CSMD1: variants seen among roughly 807,000 people sequenced by gnomAD.
The protein encoded by CSMD1 is CUB and Sushi multiple domains 1.
In CSMD1, 213 loss-of-function variants were observed where a neutral mutation model predicts 417.5. The ratio of observed to expected loss-of-function variants is 0.51; its 90% confidence interval spans 0.46 to 0.57. The LOEUF (loss-of-function observed/expected upper bound fraction) is 0.57. Among genes scored for constraint, CSMD1 ranks in the 20% least tolerant of loss-of-function variants. The pLI is 0.00. For synonymous variants in CSMD1, 2,862 were observed against 1,736.8 expected, an observed-to-expected ratio of 1.65 and a Z score of -16.11; for missense variants, 6,923 against 4,529.7, an observed-to-expected ratio of 1.53 and a Z score of -15.17.
chr8:4,763,098 G>C (rs1406206810), intron 1 of CSMD1, among the ~76,000 whole-genome samples: 1 of 152,096 alleles, frequency 6.6e-6, no homozygotes, highest in Non-Finnish European at 1.5e-5. Flanking sequence ...GGACAGAAAA[G>C]ATACCAAACT....
chr8:4,523,511 G>C (rs1414213726), intron 2 of CSMD1, among the ~76,000 whole-genome samples: 1 of 152,058 alleles, frequency 6.6e-6, no homozygotes, highest in Non-Finnish European at 1.5e-5. Flanking sequence ...GCTGTTGCTA[G>C]TTTTCCTTCT....
At chr8:3,749,697 C>G (rs1192099919) in intron 6 of CSMD1, among the ~76,000 whole-genome samples, 2 of 152,166 alleles carry the variant, frequency 1.3e-5, no homozygotes, top group South Asian at 2.1e-4. Flanking sequence ...CACCAGTGGG[C>G]TGATTTCATA....
chr8:4,386,032 T>C (rs1368599799), intron 3 of CSMD1, among the ~76,000 whole-genome samples: 6 of 152,168 alleles, frequency 3.9e-5, no homozygotes, highest in Non-Finnish European at 1.5e-5. Context: ...CACTACGATT[T>C]CTCCAGTCTG....
At position 3,849,805 on chromosome 8, in the gene CSMD1, A is replaced by G. The variant is rs77124460; in HGVS notation, c.819-95763T>C. ...TAAAGATGATATTGTGAGACAGAGT[A>G]TATCTTTTTTTGTTTGGTTTTTGTT... On this transcript the variant is annotated intron_variant, in intron 5 of 69. Transcript: ENST00000635120. Among the ~76,000 whole-genome samples the G allele has an allele frequency of 3.8e-4, 55 of 142,938 alleles. 1 individual carries two copies. In the East Asian group the frequency reaches 0.011, roughly 28 times the overall value. 93.8% of individuals were successfully genotyped at this position (142,938 alleles called of 152,430 possible). A position where few individuals can be genotyped will look rare whatever the true frequency, so the allele number is the denominator to read the frequency against.
At chr8:3,601,768 T>G (rs1043244222) in intron 8 of CSMD1, among the ~76,000 whole-genome samples, 3 of 152,210 alleles carry the variant, frequency 2.0e-5, no homozygotes, top group African/African-American at 7.2e-5. Context: ...GGGACCATTC[T>G]CCCTGCTCCC....
intron 2 of CSMD1, among the ~76,000 whole-genome samples, chr8:4,424,320 C>A: frequency 6.6e-6 from 1 of 151,736 alleles, no homozygotes; most frequent in Admixed American, 6.6e-5. Context: ...CTAGAATATA[C>A]CATGAACTCT....
At chr8:3,488,749 G>C (rs13269764) in intron 11 of CSMD1, among the ~76,000 whole-genome samples, 7,544 of 152,180 alleles carry the variant, frequency 0.05, 195 homozygotes, top group Middle Eastern at 0.075. Flanking sequence ...TAGACTTCAA[G>C]TCAAGAACAG....
chr8:4,818,939 G>C (rs987798377), intron 1 of CSMD1, among the ~76,000 whole-genome samples: 1 of 152,094 alleles, frequency 6.6e-6, no homozygotes, highest in South Asian at 2.1e-4. Context: ...CTGATTCCAA[G>C]ACCTGTAATT....
intron 54 of CSMD1, among the ~76,000 whole-genome samples, chr8:2,995,335 C>G (rs1806788681): frequency 6.6e-6 from 1 of 152,106 alleles, no homozygotes; most frequent in Non-Finnish European, 1.5e-5. Context: ...AAGTGAACAC[C>G]ACAGAAAGCT....
chr8:4,330,877 G>C (rs1048743739), intron 3 of CSMD1, among the ~76,000 whole-genome samples: 2 of 152,040 alleles, frequency 1.3e-5, no homozygotes, highest in East Asian at 3.9e-4. Context: ...AGGAATGTCA[G>C]TTTCTCTCAG....
intron 1 of CSMD1, among the ~76,000 whole-genome samples, chr8:4,659,959 A>G (rs939275672): frequency 5.3e-5 from 8 of 152,066 alleles, no homozygotes; most frequent in African/African-American, 1.9e-4. Flanking sequence ...ACTAGGAATG[A>G]AGAAGAATTT....
chr8:4,974,263 T>C (rs1810417481), intron 1 of CSMD1, among the ~76,000 whole-genome samples: 1 of 152,000 alleles, frequency 6.6e-6, no homozygotes, highest in Non-Finnish European at 1.5e-5. Flanking sequence ...TGACCTCATG[T>C]GATCCACCTG....
intron 7 of CSMD1, among the ~76,000 whole-genome samples, chr8:3,690,579 T>A (rs1800184227): frequency 6.6e-6 from 1 of 152,198 alleles, no homozygotes; most frequent in African/African-American, 2.4e-5. Context: ...TGTTTTTACA[T>A]CAGTGAGATG....
At position 3,290,248 on chromosome 8, in the gene CSMD1, A is replaced by G. The variant is rs1803450779; in HGVS notation, c.3951-5902T>C. Among the ~76,000 whole-genome samples the G allele has an allele frequency of 1.4e-5, 2 of 147,324 alleles. 1 individual carries two copies. The highest frequency in any genetic ancestry group is 5.4e-5 in the African/African-American group (2 of 37,076). On this transcript the variant is annotated intron_variant, in intron 25 of 69. Coordinates refer to ENST00000635120, the MANE Select transcript of CSMD1 (RefSeq NM_033225.6). ...ACTGTAGCCTTGTAGTGTAGTATGA[A>G]GTCAGGTAGCGTGATGCCTCCAGCT... is the stretch of plus-strand genomic sequence containing the variant.
At chr8:3,805,444 G>C (rs1031691122) in intron 5 of CSMD1, among the ~76,000 whole-genome samples, 2 of 152,164 alleles carry the variant, frequency 1.3e-5, no homozygotes, top group African/African-American at 4.8e-5. Flanking sequence ...GAGTGGAGCA[G>C]AAATGATCTA....
At chr8:4,451,450 A>C (rs758618815) in intron 2 of CSMD1, among the ~76,000 whole-genome samples, 4 of 152,136 alleles carry the variant, frequency 2.6e-5, no homozygotes, top group Non-Finnish European at 5.9e-5. Context: ...AAAGCTTATC[A>C]CTCTCATCAA....
At chr8:4,008,443 G>A (rs938129603) in intron 4 of CSMD1, among the ~76,000 whole-genome samples, 2 of 151,316 alleles carry the variant, frequency 1.3e-5, no homozygotes, top group Non-Finnish European at 2.9e-5. Flanking sequence ...CTGAAATTTG[G>A]TGACAGAATT....
At chr8:3,781,493 G>A (rs1279770590) in intron 5 of CSMD1, among the ~76,000 whole-genome samples, 1 of 132,550 alleles carries the variant, frequency 7.5e-6, no homozygotes, top group African/African-American at 3.4e-5. Flanking sequence ...ACCACGTGGT[G>A]CCCCTGAGTT....
At chr8:4,274,226 C>A (rs937114741) in intron 3 of CSMD1, among the ~76,000 whole-genome samples, 2 of 152,100 alleles carry the variant, frequency 1.3e-5, no homozygotes, top group African/African-American at 4.8e-5. Flanking sequence ...AAGTCCAGGC[C>A]TCTGAAATAA....
Sources: allele counts gnomAD v4.1 joint callset (sites outside exome capture counted in the v4.1 genomes callset), GRCh38; gene constraint gnomAD v4.1.1; transcripts MANE v1.5; gene names NCBI Gene and HGNC (gene_info 2026-07-23, HGNC 2026-07-21).